PFAS: variants seen among roughly 807,000 people sequenced by gnomAD.
The protein encoded by PFAS is FGAM synthase.
A neutral mutation model predicts 140.6 loss-of-function variants in PFAS; 97 were observed. The observed-to-expected ratio is 0.69, with a 90% CI of 0.59 to 0.82. The LOEUF is 0.82. Among genes scored for constraint, PFAS ranks in the 40% least tolerant of loss-of-function variants. The pLI, the probability that PFAS is intolerant of heterozygous loss-of-function variation, is 0.00. For missense variants in PFAS, 1,656 were observed against 1,780.2 expected, an observed-to-expected ratio of 0.93 and a Z score of 1.26; for synonymous variants, 679 against 718.8, an observed-to-expected ratio of 0.94 and a Z score of 0.88.
chr17:8,264,513 C>T lies in PFAS; in HGVS notation c.1961C>T (p.Ala654Val). The T allele has an allele frequency of 6.2e-7, 1 of 1,613,642 alleles. No homozygotes were observed. The highest frequency in any genetic ancestry group is 2.2e-5 in the East Asian group (1 of 44,886). The change falls in exon 17 of 28, where the codon GCC (alanine) becomes GTC (valine). Residue 654 changes from alanine to valine, a missense_variant. By Grantham distance (64) the Ala-to-Val change is moderately conservative. Around this residue, in one of 2 missense-constraint regions of PFAS, gnomAD observed 883 missense variants for 1,023.0 expected, o/e 0.86. Transcript: ENST00000314666. ...AAGCCCCCCATGCTGCAGCCTCTGGCCTTGCCCCCAGGGCTGAGCGTGCAC... is the reference window on the plus strand; with the variant it reads ...AAGCCCCCCATGCTGCAGCCTCTGGTCTTGCCCCCAGGGCTGAGCGTGCAC... ...QRKPPMLQPL[A>V]LPPGLSVHQA...
chr17:8,266,433 G>A lies in PFAS; in HGVS notation c.2821+80G>A. 3 of 1,582,428 alleles carry A rather than the reference G, an allele frequency of 1.9e-6. No individual in the cohort carries two copies. The highest frequency in any genetic ancestry group is 1.2e-5 in the South Asian group (1 of 86,388). ...CCCCATTTCCAATATATTAAAGAGT[G>A]GAGTGCCCTCCAGTCCCCTTTCCCT... On this transcript the variant is annotated intron_variant, in intron 22 of 27. Transcript: ENST00000314666. The surrounding 1 kb of genome is among the most constrained non-coding windows in gnomAD (Gnocchi z 5.0).
At chr17:8,254,705 G>T (rs1025488357) in intron 3 of PFAS, among the ~76,000 whole-genome samples, 7 of 149,486 alleles carry the variant, frequency 4.7e-5, no homozygotes, top group African/African-American at 1.8e-4. Flanking sequence ...TAGGCAGGCT[G>T]AGGCAGGAGA....
In PFAS at chr17:8,266,217, T is replaced by G. The variant is rs1162950073; in HGVS notation, c.2702-17T>G. The G allele has an allele frequency of 6.2e-7, 1 of 1,613,332 alleles. No homozygotes were observed. Among genetic ancestry groups the G allele is most frequent in the Non-Finnish European group, 8.5e-7 (1 of 1,179,672 alleles). ...TTTGGGTCCCGAGGTTGCTGAGCTT[T>G]CTTCTCCTTCCTCCAGACCGCCTCC... On this transcript the variant is annotated splice_polypyrimidine_tract_variant and intron_variant, in intron 21 of 27. Transcript: ENST00000314666. The surrounding 1 kb of genome is among the most constrained non-coding windows in gnomAD (Gnocchi z 5.0).
Position 8,266,172 on chromosome 17 carries a change from G to A in PFAS, c.2702-62G>A. ...CACTCTTGATGGACTGACTCCGGAA[G>A]GTGGGGTGGGGCTGTCAGGTTTGGG... On this transcript the variant is annotated intron_variant, in intron 21 of 27. Transcript: ENST00000314666. This position sits in a 1 kb window ranked among gnomAD's most constrained non-coding sequence, Gnocchi z 5.0. 6.2e-7 allele frequency: 1 copy of A among 1,602,964 alleles called. No individual in the cohort carries two copies. The highest frequency in any genetic ancestry group is 1.1e-5 in the South Asian group (1 of 89,370).
chr17:8,252,913 C>T (rs972875873), intron 1 of PFAS, among the ~76,000 whole-genome samples: 6 of 152,166 alleles, frequency 3.9e-5, no homozygotes, highest in South Asian at 2.1e-4. Context: ...CACTATGCCC[C>T]GCCCAATCTG....
Position 8,267,422 on chromosome 17 carries a change from G to A in PFAS, c.3226G>A (p.Asp1076Asn). The change falls in exon 25 of 28, where the codon GAC becomes AAC. Residue 1076 changes from aspartate to asparagine, a missense_variant. Physicochemically the swap from Asp to Asn is conservative, Grantham distance 23 (BLOSUM62 1). This residue lies in a region of PFAS where 883 missense variants were observed against 1,023.0 expected (regional missense o/e 0.86). Coordinates refer to ENST00000314666, the MANE Select transcript of PFAS (RefSeq NM_012393.3). The surrounding 1 kb of genome is among the most constrained non-coding windows in gnomAD (Gnocchi z 4.9). ...AILREEGSNG[D>N]REMADAFHLA... ...CTTGCGAGAGGAGGGCAGTAATGGAGACCGGGAGATGGCCGATGCCTTCCA... is the reference window on the plus strand; with the variant it reads ...CTTGCGAGAGGAGGGCAGTAATGGAAACCGGGAGATGGCCGATGCCTTCCA... 6.2e-7 allele frequency: 1 copy of A among 1,614,172 alleles called. No individual in the cohort carries two copies. The highest frequency in any genetic ancestry group is 8.5e-7 in the Non-Finnish European group (1 of 1,180,020).
At position 8,264,896 on chromosome 17, in the gene PFAS, T is replaced by G; in HGVS notation, c.2051T>G (p.Val684Gly). Residue 684 changes from valine (V) to glycine (G), a missense_variant and splice_region_variant, in exon 18 of 28, where the codon GTG (valine) becomes GGG (glycine). Val to Gly is a moderately radical substitution (Grantham distance 109). This residue lies in a region of PFAS where 883 missense variants were observed against 1,023.0 expected (regional missense o/e 0.86). Transcript: ENST00000314666. ...TGCTAACCCCACCTGGTTCCACAGG[T>G]GGACCGCTCTGTGGGAGGCCTGGTG... Reference protein sequence around the residue: ...VASKRYLTNKVDRSVGGLVAQ... With the variant: ...VASKRYLTNKGDRSVGGLVAQ... The G allele has an allele frequency of 1.9e-6, 3 of 1,567,770 alleles. No homozygotes were observed. The South Asian group carries it at 3.4e-5, about 18-fold the overall frequency.
Position 8,268,519 on chromosome 17 carries a change from C to T in PFAS, c.3383-14C>T. Reference sequence around the variant, plus strand: ...TCCTCCATGTCTCACCCTGACTTCCCTATTCCCTGCTAGGGTGGGCAGCTG... The same window carrying T: ...TCCTCCATGTCTCACCCTGACTTCCTTATTCCCTGCTAGGGTGGGCAGCTG... On this transcript the variant is annotated splice_polypyrimidine_tract_variant and intron_variant, in intron 26 of 27. Coordinates refer to ENST00000314666, the MANE Select transcript of PFAS (RefSeq NM_012393.3). The T allele has an allele frequency of 1.2e-6, 2 of 1,604,910 alleles. No homozygotes were observed. The highest frequency in any genetic ancestry group is 2.2e-5 in the East Asian group (1 of 44,744).
intron 4 of PFAS, 97 bp downstream of exon 4, chr17:8,255,229 A>G (rs943868361): frequency 3.3e-6 from 3 of 917,712 alleles, no homozygotes; most frequent in African/African-American, 3.3e-5. Context: ...TCCTGGCTTT[A>G]GGCCTGCTCT....
Position 8,267,629 on chromosome 17 carries a change from G to T in PFAS, c.3346G>T (p.Gly1116Cys), listed in dbSNP as rs774571165. The change falls in exon 26 of 28, where the codon GGC becomes TGC. Residue 1116 changes from glycine to cysteine, a missense_variant. By Grantham distance (159) the Gly-to-Cys change is radical (BLOSUM62 -3). Transcript: ENST00000314666. The surrounding 1 kb of genome is among the most constrained non-coding windows in gnomAD (Gnocchi z 4.9). The stretch of plus-strand genomic sequence containing the variant: ...TTTCCGTGGCGTGGCCTTCGTGGGC[G>T]GCTTCAGCTATGCAGATGTCCTGGG... ...DTFRGVAFVGGFSYADVLGSA... is the reference protein window; with the variant it reads ...DTFRGVAFVGCFSYADVLGSA... The T allele has an allele frequency of 1.2e-6, 2 of 1,611,182 alleles. No individual in the cohort carries two copies. Among genetic ancestry groups the T allele is most frequent in the Non-Finnish European group, 1.7e-6 (2 of 1,177,506 alleles).
Position 8,265,842 on chromosome 17 carries a change from A to AC in PFAS, c.2546-16dup. The AC allele has an allele frequency of 6.3e-7, 1 of 1,580,658 alleles. No homozygotes were observed. Among genetic ancestry groups the AC allele is most frequent in the Non-Finnish European group, 8.6e-7 (1 of 1,160,412 alleles). On this transcript the variant is annotated intron_variant, in intron 20 of 27. Coordinates refer to ENST00000314666, the MANE Select transcript of PFAS (RefSeq NM_012393.3). Reference sequence around the variant, plus strand: ...CCTCCTGAGCTGTTCCCCTCCCCTCACCCCTCCCCGTCTCCCCAGGCCATC... The same window carrying AC: ...CCTCCTGAGCTGTTCCCCTCCCCTCACCCCCTCCCCGTCTCCCCAGGCCATC...
chr17:8,251,308 G>A (rs1308389139), intron 1 of PFAS, among the ~76,000 whole-genome samples: 1 of 152,050 alleles, frequency 6.6e-6, no homozygotes, highest in Admixed American at 6.5e-5. Context: ...GAAAGACGGG[G>A]TCTTGCTCTG....
chr17:8,247,828 G>A (rs1988888060), upstream of PFAS: 9 of 645,818 alleles, frequency 1.4e-5, no homozygotes, highest in Non-Finnish European at 2.5e-5. Flanking sequence ...CGTGAATGAG[G>A]GAATAAACAT....
At chr17:8,261,927 C>A (rs1424394932) in intron 11 of PFAS, among the ~76,000 whole-genome samples, 1 of 151,736 alleles carries the variant, frequency 6.6e-6, no homozygotes, top group African/African-American at 2.4e-5. Context: ...AGCCCCCAGG[C>A]TTCAGGACCC....
rs1338789198 is a variant in PFAS at position 8,264,939 on chromosome 17, G to A, written c.2094G>A (p.Val698=). ...GCCTGGTGGCCCAGCAGCAGTGCGT[G>A]GGGCCCCTGCAAACTCCTCTGGCAG... ...VGGLVAQQQC[V]GPLQTPLADV... The change falls in exon 18 of 28, where the codon GTG becomes GTA. Residue 698 remains valine (V), a synonymous_variant. Coordinates refer to ENST00000314666, the MANE Select transcript of PFAS (RefSeq NM_012393.3). The A allele has an allele frequency of 4.4e-6, 7 of 1,607,614 alleles. No homozygotes were observed. The highest frequency in any genetic ancestry group is 6.0e-6 in the Non-Finnish European group (7 of 1,176,106).
rs1053498269 is a variant in PFAS at position 8,267,327 on chromosome 17, T to C, written c.3176-45T>C. The C allele has an allele frequency of 4.4e-6, 7 of 1,598,256 alleles. No individual in the cohort carries two copies. The African/African-American group carries it at 8.0e-5, about 18-fold the overall frequency. On this transcript the variant is annotated intron_variant, in intron 24 of 27. Coordinates refer to ENST00000314666, the MANE Select transcript of PFAS (RefSeq NM_012393.3). The surrounding 1 kb of genome is among the most constrained non-coding windows in gnomAD (Gnocchi z 4.9). The stretch of plus-strand genomic sequence containing the variant: ...CAGAAAGGTGTCTGGGGAGTTGGGG[T>C]GGGGAAGTGACTTTCTGGCCCAAAG...
At chr17:8,253,835 G>A (rs551494516) in intron 1 of PFAS, 24 bp from the exon 2 acceptor site, 63 of 1,471,458 alleles carry the variant, frequency 4.3e-5, no homozygotes, top group Middle Eastern at 1.8e-4. Flanking sequence ...CACCACGCCC[G>A]GCTTAGTTAA....
intron 10 of PFAS, 64 bp downstream of exon 10, chr17:8,258,002 CA>C: frequency 1.9e-6 from 3 of 1,612,310 alleles, no homozygotes; most frequent in South Asian, 2.2e-5. Flanking sequence ...GTGTGCGACC[CA>C]GGGGCTGTGC....
intron 1 of PFAS, among the ~76,000 whole-genome samples, chr17:8,251,001 A>G (rs1989127858): frequency 1.3e-5 from 2 of 150,786 alleles, no homozygotes; most frequent in Non-Finnish European, 2.9e-5. Context: ...TTGAAAGATG[A>G]GGTCTGCCTG....
Sources: gnomAD v4.1 joint callset for allele counts (sites outside exome capture counted in the v4.1 genomes callset) on GRCh38, gnomAD v4.1.1 for gene constraint, gnomAD v4.1.1 regional missense constraint, Gnocchi (gnomAD v3.1) non-coding constraint, MANE v1.5 for transcripts, NCBI Gene and HGNC (gene_info 2026-07-23, HGNC 2026-07-21) for gene names.